NSMCE4A: variants seen among roughly 807,000 people sequenced by gnomAD.
NSMCE4A encodes the protein non-structural maintenance of chromosomes element 4 homolog A.
NSMCE4A carries 40 observed loss-of-function variants against 47.9 expected under a neutral mutation model. That is an observed-to-expected ratio of 0.83 (90% CI 0.65 to 1.09). The LOEUF is 1.09. NSMCE4A is among the 50% of genes least tolerant of loss of function. The pLI is 0.00. For missense variants in NSMCE4A, 500 were observed against 507.0 expected, an observed-to-expected ratio of 0.99 and a Z score of 0.13; for synonymous variants, 166 against 178.5, an observed-to-expected ratio of 0.93 and a Z score of 0.56.
chr10:121,963,272 G>C lies in NSMCE4A; in HGVS notation c.810C>G (p.Ile270Met), dbSNP rs766461173. The change falls in exon 6 of 11, where the codon ATC (isoleucine) becomes ATG (methionine). Residue 270 changes from isoleucine to methionine, a missense_variant. Coordinates refer to ENST00000369023, the MANE Select transcript of NSMCE4A (RefSeq NM_017615.3). ...GAAAATATGTCTGCAACAATCCCAAGATTCTTTCTACTTCTTTCTCTGTTG... is the reference window on the plus strand; with the variant it reads ...GAAAATATGTCTGCAACAATCCCAACATTCTTTCTACTTCTTTCTCTGTTG... The part of the protein sequence containing the change: ...QEATEKEVER[I>M]LGLLQTYFRE... The C allele has an allele frequency of 6.2e-7, 1 of 1,611,806 alleles. No individual in the cohort carries two copies. The highest frequency in any genetic ancestry group is 1.1e-5 in the South Asian group (1 of 91,032).
chr10:121,958,222 T>G (rs1952435043), intron 10 of NSMCE4A, among the ~76,000 whole-genome samples: 1 of 151,966 alleles, frequency 6.6e-6, no homozygotes, highest in African/African-American at 2.4e-5. Flanking sequence ...AGAGCAAGAC[T>G]CTGTCTCAAA....
At chr10:121,963,674 T>C (rs1952545992) in intron 5 of NSMCE4A, among the ~76,000 whole-genome samples, 1 of 151,990 alleles carries the variant, frequency 6.6e-6, no homozygotes. Flanking sequence ...ATATGGGGTC[T>C]TGCTGACCAT....
At chr10:121,961,646 C>T (rs1952500712) in intron 6 of NSMCE4A, 129 bp from the exon 7 acceptor site, 1 of 547,712 alleles carries the variant, frequency 1.8e-6, no homozygotes, top group Non-Finnish European at 3.1e-6. Flanking sequence ...CAATCCAACC[C>T]TTCTGGAGGC....
At chr10:121,964,982 C>T (rs1361607581) in intron 5 of NSMCE4A, among the ~76,000 whole-genome samples, 4 of 152,012 alleles carry the variant, frequency 2.6e-5, no homozygotes, top group Admixed American at 6.6e-5. Flanking sequence ...CTGGGGATGC[C>T]GCTAAGCATC....
At chr10:121,968,762 G>A (rs913204595) in intron 3 of NSMCE4A, among the ~76,000 whole-genome samples, 3 of 152,004 alleles carry the variant, frequency 2.0e-5, no homozygotes, top group African/African-American at 7.3e-5. Context: ...CCTATTAAAG[G>A]CAATCAGACT....
At chr10:121,963,760 C>A (rs926421243) in intron 5 of NSMCE4A, among the ~76,000 whole-genome samples, 59 of 151,976 alleles carry the variant, frequency 3.9e-4, no homozygotes, top group Non-Finnish European at 6.0e-4. Flanking sequence ...GGCGCCTGTA[C>A]TCCCAGCTAC....
chr10:121,965,532 G>C lies in NSMCE4A; in HGVS notation c.654-147C>G, dbSNP rs540327888. 25 of 620,326 alleles carry C rather than the reference G, an allele frequency of 4.0e-5. No homozygotes were observed. The Middle Eastern group carries it at 1.7e-3, about 41-fold the overall frequency. 38.4% of individuals were successfully genotyped at this position (620,326 alleles called of 1,614,324 possible). A position where few individuals can be genotyped will look rare whatever the true frequency, so the allele number is the denominator to read the frequency against. On this transcript the variant is annotated intron_variant, in intron 4 of 10. Coordinates refer to ENST00000369023, the MANE Select transcript of NSMCE4A (RefSeq NM_017615.3). ...AAGCTGACATCAGAGTAAGACTCTT[G>C]ATAAGGTTTGTGACAGCCTTTCTGC...
At chr10:121,959,198 A>G in intron 10 of NSMCE4A, 126 bp downstream of exon 10, 3 of 751,778 alleles carry the variant, frequency 4.0e-6, no homozygotes. Context: ...TGTTACACAC[A>G]GTTCTAAGAA....
intron 1 of NSMCE4A, 102 bp from the exon 2 acceptor site, chr10:121,974,183 G>T: frequency 7.4e-7 from 1 of 1,356,024 alleles, no homozygotes; most frequent in Non-Finnish European, 1.0e-6. Context: ...CCCGGCCCCT[G>T]CGCTCTGAGT....
chr10:121,962,690 G>T (rs1030970275), intron 6 of NSMCE4A, among the ~76,000 whole-genome samples: 1 of 151,096 alleles, frequency 6.6e-6, no homozygotes, highest in Non-Finnish European at 1.5e-5. Flanking sequence ...TTGGCTCACC[G>T]CAACCTCTGT....
intron 5 of NSMCE4A, 52 bp from the exon 6 acceptor site, chr10:121,963,380 TTTTCTTC>T: frequency 9.6e-7 from 1 of 1,044,798 alleles, no homozygotes; most frequent in East Asian, 2.4e-5. Context: ...CCTATTAACG[TTTTCTTC>T]TCTCTTGCAC....
chr10:121,974,143 A>C, intron 1 of NSMCE4A, 62 bp from the exon 2 acceptor site: 2 of 1,436,262 alleles, frequency 1.4e-6, no homozygotes, highest in South Asian at 1.2e-5. Context: ...GCAGTTGACA[A>C]GGTTATCACC....
intron 5 of NSMCE4A, among the ~76,000 whole-genome samples, chr10:121,964,297 C>T (rs1424784948): frequency 6.6e-6 from 1 of 151,528 alleles, no homozygotes; most frequent in Non-Finnish European, 1.5e-5. Flanking sequence ...CACCCACCAC[C>T]ACATCTGGCT....
chr10:121,967,688 T>C lies in NSMCE4A; in HGVS notation c.620A>G (p.Asn207Ser), dbSNP rs760733048. The stretch of plus-strand genomic sequence containing the variant: ...GAATGTATGGGTTTTATTAAAGGTG[T>C]TTTCTGCTGTTCTGCCTGTTATCTT... ...SWKITGRTAENTFNKTHTFHF... is the reference protein window; with the variant it reads ...SWKITGRTAESTFNKTHTFHF... Residue 207 changes from asparagine (N) to serine (S), a missense_variant, in exon 4 of 11, where the codon AAC becomes AGC. By Grantham distance (46) the Asn-to-Ser change is conservative (BLOSUM62 1). Transcript: ENST00000369023. The C allele has an allele frequency of 4.3e-6, 7 of 1,613,064 alleles. No homozygotes were observed. The South Asian group carries it at 7.7e-5, about 18-fold the overall frequency.
chr10:121,974,248 G>T (rs1377695690), intron 1 of NSMCE4A, 167 bp from the exon 2 acceptor site: 1 of 1,420,332 alleles, frequency 7.0e-7, no homozygotes, highest in Non-Finnish European at 9.3e-7. Flanking sequence ...AAAGGAGAAA[G>T]GCCACCCTAC....
In NSMCE4A at chr10:121,963,254, T is replaced by C; in HGVS notation, c.828A>G (p.Thr276=). The C allele has an allele frequency of 1.9e-6, 3 of 1,608,174 alleles. No individual in the cohort carries two copies. Among genetic ancestry groups the C allele is most frequent in the South Asian group, 1.1e-5 (1 of 90,960 alleles). ...TACACTTACGATCTTCTCGAAAATA[T>C]GTCTGCAACAATCCCAAGATTCTTT... is the stretch of plus-strand genomic sequence containing the variant. ...EVERILGLLQ[T]YFREDPDTPM... The change falls in exon 6 of 11, where the codon ACA becomes ACG. Residue 276 remains threonine, a synonymous_variant. Transcript: ENST00000369023.
intron 1 of NSMCE4A, chr10:121,974,447 C>T (rs4075581): frequency 0.15 from 155,672 of 1,011,778 alleles, 12,444 homozygotes; most frequent in Middle Eastern, 0.18. Context: ...TCGAATTCCG[C>T]GGGTCCGGGT....
intron 3 of NSMCE4A, among the ~76,000 whole-genome samples, chr10:121,969,019 A>C (rs1444036487): frequency 6.6e-6 from 1 of 152,198 alleles, no homozygotes; most frequent in African/African-American, 2.4e-5. Context: ...ATGCTTTAAG[A>C]CTTCCAGAAT....
At chr10:121,964,638 C>A (rs1365205023) in intron 5 of NSMCE4A, among the ~76,000 whole-genome samples, 1 of 151,826 alleles carries the variant, frequency 6.6e-6, no homozygotes, top group Non-Finnish European at 1.5e-5. Context: ...GACGGGGTTT[C>A]CCCGTATTGG....
Sources: gnomAD v4.1 joint callset for allele counts (sites outside exome capture counted in the v4.1 genomes callset) on GRCh38, gnomAD v4.1.1 for gene constraint, MANE v1.5 for transcripts, NCBI Gene and HGNC (gene_info 2026-07-23, HGNC 2026-07-21) for gene names.